The following IFT140 variants were observed in gnomAD, a reference collection of about 807,000 sequenced individuals.
IFT140 encodes the protein intraflagellar transport 140.
Under a neutral mutation model 164.6 loss-of-function variants are expected in IFT140, and 133 were observed. That is an observed-to-expected ratio of 0.81 (90% CI 0.70 to 0.93). The LOEUF is 0.93. Ranked by LOEUF, IFT140 falls within the 40% of genes least tolerant of loss-of-function variation. The pLI is 0.00. For synonymous variants in IFT140, 860 were observed against 817.3 expected (o/e 1.05, Z -0.89); for missense variants, 2,045 against 1,972.3 (o/e 1.04, Z -0.70).
At chr16:1,528,303 CCA>C (rs147916170) in intron 19 of IFT140, among the ~76,000 whole-genome samples, 12,341 of 150,556 alleles carry the variant, frequency 0.082, 687 homozygotes, top group African/African-American at 0.15. Flanking sequence ...CCCACCAAAG[CCA>C]CACACACACG....
At chr16:1,528,373 ATGCACGCACGTGTGCACACACACG>A (rs1567333815) in intron 19 of IFT140, among the ~76,000 whole-genome samples, 14 of 151,378 alleles carry the variant, frequency 9.2e-5, no homozygotes, top group African/African-American at 3.2e-4. Flanking sequence ...ACACACACGC[ATGCACGCACGTGTGCACACACACG>A]GATGCACACA....
chr16:1,563,502 T>C (rs752402552), intron 17 of IFT140, among the ~76,000 whole-genome samples: 4 of 151,758 alleles, frequency 2.6e-5, no homozygotes, highest in African/African-American at 4.8e-5. Context: ...GAGAATCACA[T>C]GTAGCAGTTG....
chr16:1,534,515 C>T (rs369463643), intron 19 of IFT140: 32 of 1,607,250 alleles, frequency 2.0e-5, no homozygotes, highest in East Asian at 6.7e-5. Flanking sequence ...GCTGGGGCTC[C>T]GAGGCAGCCG....
chr16:1,571,701 C>A (rs72481037), intron 13 of IFT140, among the ~76,000 whole-genome samples, 167 bp from the exon 14 acceptor site: 1 of 152,166 alleles, frequency 6.6e-6, no homozygotes, highest in South Asian at 2.1e-4. Context: ...TGTTTACTGA[C>A]GGCTCAGAGT....
rs145287241 is a variant in IFT140 at position 1,592,484 on chromosome 16, C to A, written c.474G>T (p.Arg158=). ...YGKHLTHCIF[R]LPPPGEDLVQ... is the part of the protein sequence containing the mutation. ...ACACTTACTCGCCAGGAGGGGGGAG[C>A]CGGAAGATGCAGTGCGTGAGGTGTT... The change falls in exon 5 of 31, where the codon CGG becomes CGT. Residue 158 remains arginine (R), a synonymous_variant. Coordinates refer to ENST00000426508, the MANE Select transcript of IFT140 (RefSeq NM_014714.4). 10 of 1,614,026 alleles carry A rather than the reference C, an allele frequency of 6.2e-6. No individual in the cohort carries two copies. In the African/African-American group the frequency reaches 1.3e-4, roughly 22 times the overall value.
intron 19 of IFT140, among the ~76,000 whole-genome samples, chr16:1,535,187 T>C (rs1475485002): frequency 1.3e-5 from 2 of 152,120 alleles, no homozygotes; most frequent in Non-Finnish European, 2.9e-5. Flanking sequence ...TCCCCAGGGA[T>C]GAGCTTCAGA....
chr16:1,597,136 T>C (rs1368343917), intron 4 of IFT140, among the ~76,000 whole-genome samples: 1 of 152,178 alleles, frequency 6.6e-6, no homozygotes. Flanking sequence ...AAAGGCTGGC[T>C]GGCCCCACAT....
Position 1,602,375 on chromosome 16 carries a change from C to T in IFT140, c.364G>A (p.Asp122Asn). 1 of 1,614,074 alleles carries T rather than the reference C, an allele frequency of 6.2e-7. No homozygotes were observed. The highest frequency in any genetic ancestry group is 1.1e-5 in the South Asian group (1 of 91,056). ...SPSGNCLLSG[D>N]RLGVLLLWRL... ...TCTTGCGCGTGTTGACTCACCCTGTCCCCAGACAGCAGGCAGTTTCCACTG... is the reference window on the plus strand; with the variant it reads ...TCTTGCGCGTGTTGACTCACCCTGTTCCCAGACAGCAGGCAGTTTCCACTG... Residue 122 changes from aspartate to asparagine, a missense_variant, in exon 4 of 31, where the codon GAC (aspartate) becomes AAC (asparagine). Coordinates refer to ENST00000426508, the MANE Select transcript of IFT140 (RefSeq NM_014714.4).
At chr16:1,537,974 C>T (rs2141259305) in intron 19 of IFT140, among the ~76,000 whole-genome samples, 1 of 152,370 alleles carries the variant, frequency 6.6e-6, no homozygotes, top group Admixed American at 6.5e-5. Flanking sequence ...CCCAGCTGAA[C>T]CACGTTCTCA....
chr16:1,520,435 G>T, intron 27 of IFT140, 92 bp from the exon 28 acceptor site: 2 of 1,417,086 alleles, frequency 1.4e-6, no homozygotes, highest in Middle Eastern at 1.9e-4. Flanking sequence ...AAGAAGAGTG[G>T]CTCAGGGCTG....
chr16:1,564,070 G>A lies in IFT140; in HGVS notation c.1994C>T (p.Ala665Val), dbSNP rs1225847464. 1 of 1,604,558 alleles carries A rather than the reference G, an allele frequency of 6.2e-7. No homozygotes were observed. Among genetic ancestry groups the A allele is most frequent in the Non-Finnish European group, 8.5e-7 (1 of 1,172,678 alleles). Reference protein sequence around the residue: ...QSEPRLFVCEAVQETPRSQPQ... With the variant: ...QSEPRLFVCEVVQETPRSQPQ... ...CTGGGAGCGCGGCGTCTCCTGCACG[G>A]CTTCGCATACAAACAGCCGGGGCTC... Residue 665 changes from alanine (A) to valine (V), a missense_variant, in exon 17 of 31, where the codon GCC becomes GTC. Transcript: ENST00000426508. The surrounding 1 kb of genome is among the most constrained non-coding windows in gnomAD (Gnocchi z 5.5).
At chr16:1,606,684 C>A (rs1383990574) in intron 3 of IFT140, among the ~76,000 whole-genome samples, 2 of 152,038 alleles carry the variant, frequency 1.3e-5, no homozygotes, top group Non-Finnish European at 2.9e-5. Flanking sequence ...GGTCTCGAAC[C>A]CCTAACCTCA....
chr16:1,547,239 C>T (rs1455291405), intron 19 of IFT140, among the ~76,000 whole-genome samples: 1 of 152,202 alleles, frequency 6.6e-6, no homozygotes, highest in Non-Finnish European at 1.5e-5. Context: ...ACCAGAAGGA[C>T]ACTAGAAAGG....
At chr16:1,538,990 G>A (rs2031348989) in intron 19 of IFT140, among the ~76,000 whole-genome samples, 1 of 152,174 alleles carries the variant, frequency 6.6e-6, no homozygotes, top group South Asian at 2.1e-4. Flanking sequence ...GCCTCACCAA[G>A]CTGCACGGTG....
intron 18 of IFT140, among the ~76,000 whole-genome samples, chr16:1,560,319 G>A (rs2141489300): frequency 6.6e-6 from 1 of 152,358 alleles, no homozygotes; most frequent in South Asian, 2.1e-4. Context: ...GCCTCTGCTG[G>A]CTGTGCAGCC....
intron 13 of IFT140, chr16:1,580,387 G>A (rs764098411): frequency 6.1e-6 from 1 of 163,276 alleles, no homozygotes; most frequent in Non-Finnish European, 1.3e-5. Flanking sequence ...CATGGGGGTG[G>A]TTTCTCACAG....
intron 3 of IFT140, among the ~76,000 whole-genome samples, chr16:1,606,652 G>T (rs1274186975): frequency 6.6e-6 from 1 of 152,082 alleles, no homozygotes; most frequent in Non-Finnish European, 1.5e-5. Flanking sequence ...TAGAGATGGG[G>T]TTTCTCCATG....
chr16:1,519,768 A>C (rs907014600), intron 29 of IFT140, 113 bp downstream of exon 29: 41 of 1,028,420 alleles, frequency 4.0e-5, no homozygotes, highest in Non-Finnish European at 5.1e-5. Context: ...TGCTGTCCCA[A>C]GTGAGCTCCC....
intron 27 of IFT140, 23 bp downstream of exon 27, chr16:1,520,579 G>A (rs1163990171): frequency 6.4e-7 from 1 of 1,550,498 alleles, no homozygotes; most frequent in Non-Finnish European, 8.7e-7. Context: ...GGTAGCCGCG[G>A]GCTGGGGCCG....
Sources: allele counts gnomAD v4.1 joint callset (sites outside exome capture counted in the v4.1 genomes callset), GRCh38; gene constraint gnomAD v4.1.1; non-coding constraint Gnocchi (gnomAD v3.1); transcripts MANE v1.5; gene names NCBI Gene and HGNC (gene_info 2026-07-23, HGNC 2026-07-21).